Variants in TLE4 observed in about 807,000 individuals in gnomAD.
TLE4 encodes the protein TLE family member 4, transcriptional corepressor, also known as transducin-like enhancer protein 4.
A neutral mutation model predicts 92.8 loss-of-function variants in TLE4; 8 were observed. That is an observed-to-expected ratio of 0.09 (90% CI 0.05 to 0.16). The LOEUF (loss-of-function observed/expected upper bound fraction) is 0.16. TLE4 is among the 10% of genes least tolerant of loss of function. TLE4 has a pLI of 1.00. For missense variants in TLE4, 675 were observed against 997.6 expected (o/e 0.68, Z 4.36); for synonymous variants, 371 against 374.1 (o/e 0.99, Z 0.10).
chr9:79,622,408 C>T (rs2133369713), intron 5 of TLE4, among the ~76,000 whole-genome samples: 1 of 152,178 alleles, frequency 6.6e-6, no homozygotes, highest in East Asian at 1.9e-4. Flanking sequence ...CTTCCCTTTG[C>T]CTGGAATTCT....
At position 79,672,312 on chromosome 9, in the gene TLE4, T is replaced by C. The variant is rs1420360293; in HGVS notation, c.609+18237T>C. The stretch of plus-strand genomic sequence containing the variant: ...AGAGTGTGGTTTTCCCACAGGAGAA[T>C]CCAGAATAACCAACCAACATGGCCA... On this transcript the variant is annotated intron_variant, in intron 8 of 19. Transcript: ENST00000376552. Among the ~76,000 whole-genome samples the C allele has an allele frequency of 6.6e-5, 10 of 151,952 alleles. No homozygotes were observed. The East Asian group carries it at 1.9e-3, about 29-fold the overall frequency.
chr9:79,671,198 G>A (rs1005298423), intron 8 of TLE4: 7 of 454,064 alleles, frequency 1.5e-5, no homozygotes, highest in Non-Finnish European at 2.2e-5. Flanking sequence ...TGACTTTTAT[G>A]TATTTTACAG....
intron 4 of TLE4, among the ~76,000 whole-genome samples, chr9:79,577,827 C>T (rs1475975662): frequency 6.6e-6 from 1 of 152,152 alleles, no homozygotes; most frequent in Non-Finnish European, 1.5e-5. Context: ...TTCTAAGAGG[C>T]ACATAGCTTG....
At position 79,695,008 on chromosome 9, in the gene TLE4, A is replaced by G. The variant is rs183406128; in HGVS notation, c.610-9775A>G. Among the ~76,000 whole-genome samples the G allele has an allele frequency of 7.9e-5, 12 of 152,332 alleles. No homozygotes were observed. The East Asian group carries it at 2.3e-3, about 29-fold the overall frequency. ...GATTTGTTTCCCTGTGGTCACAGACAGCTGAGGAGTGTGTGATGAGAGACA... is the reference window on the plus strand; with the variant it reads ...GATTTGTTTCCCTGTGGTCACAGACGGCTGAGGAGTGTGTGATGAGAGACA... On this transcript the variant is annotated intron_variant, in intron 8 of 19. Coordinates refer to ENST00000376552, the MANE Select transcript of TLE4 (RefSeq NM_007005.6).
At chr9:79,711,073 AC>A (rs1386634447) in intron 14 of TLE4, among the ~76,000 whole-genome samples, 1 of 152,008 alleles carries the variant, frequency 6.6e-6, no homozygotes, top group African/African-American at 2.4e-5. Context: ...CCTAACCTAG[AC>A]CCTTTCTTTA....
At chr9:79,724,159 T>C (rs1444522358) in intron 19 of TLE4, among the ~76,000 whole-genome samples, 1 of 152,010 alleles carries the variant, frequency 6.6e-6, no homozygotes, top group African/African-American at 2.4e-5. Flanking sequence ...ACTAGGAATA[T>C]TTTTACATTC....
rs117255913 is a variant in TLE4 at position 79,641,561 on chromosome 9, A to G, written c.391-11032A>G. Among the ~76,000 whole-genome samples the G allele has an allele frequency of 1.4e-4, 22 of 152,248 alleles. No homozygotes were observed. The East Asian group carries it at 4.1e-3, about 28-fold the overall frequency. On this transcript the variant is annotated intron_variant, in intron 6 of 19. Coordinates refer to ENST00000376552, the MANE Select transcript of TLE4 (RefSeq NM_007005.6). Reference sequence around the variant, plus strand: ...TCCTTTTACTTCACTGGTCACAGCAAGCGTCTCTCTTGTTCTGGGTCCTCT... The same window carrying G: ...TCCTTTTACTTCACTGGTCACAGCAGGCGTCTCTCTTGTTCTGGGTCCTCT...
At chr9:79,633,353 C>T (rs1299861053) in intron 6 of TLE4, among the ~76,000 whole-genome samples, 1 of 152,162 alleles carries the variant, frequency 6.6e-6, no homozygotes, top group Non-Finnish European at 1.5e-5. Context: ...AATCCTCTCA[C>T]CTCCAAAACT....
At chr9:79,658,325 T>C (rs887661447) in intron 8 of TLE4, among the ~76,000 whole-genome samples, 3 of 152,216 alleles carry the variant, frequency 2.0e-5, no homozygotes, top group African/African-American at 7.2e-5. Flanking sequence ...AATTTACGTA[T>C]AATTATTTTT....
chr9:79,645,137 A>G (rs1292524600), intron 6 of TLE4, among the ~76,000 whole-genome samples: 4 of 152,174 alleles, frequency 2.6e-5, no homozygotes, highest in African/African-American at 7.2e-5. Context: ...GATCCCTTCA[A>G]TTTGGCTCAT....
At chr9:79,643,098 A>G (rs1377467528) in intron 6 of TLE4, among the ~76,000 whole-genome samples, 1 of 152,204 alleles carries the variant, frequency 6.6e-6, no homozygotes, top group Non-Finnish European at 1.5e-5. Flanking sequence ...AAGTAAGGTA[A>G]GAAGGGCACA....
intron 12 of TLE4, 93 bp from the exon 13 acceptor site, chr9:79,708,500 G>T: frequency 7.8e-7 from 1 of 1,281,050 alleles, no homozygotes. Context: ...AAGCTCATTT[G>T]AACCATAGAT....
At chr9:79,620,518 C>T (rs1418185583) in intron 5 of TLE4, among the ~76,000 whole-genome samples, 1 of 152,152 alleles carries the variant, frequency 6.6e-6, no homozygotes, top group African/African-American at 2.4e-5. Flanking sequence ...GAGCTTTAAT[C>T]CCATGTTCCA....
chr9:79,588,135 C>CATGTGTGTGTGTGTGTGTGT (rs140229560), intron 4 of TLE4, among the ~76,000 whole-genome samples: 3 of 146,716 alleles, frequency 2.0e-5, no homozygotes, highest in Non-Finnish European at 4.5e-5. Flanking sequence ...TTTATCCTTG[C>CATGTGTGTGTGTGTGTGTGT]GTGTGTGTGT....
intron 4 of TLE4, among the ~76,000 whole-genome samples, chr9:79,592,135 T>TTTCTTCTTTCTTCTTTC: frequency 6.7e-6 from 1 of 148,776 alleles, no homozygotes; most frequent in Non-Finnish European, 1.5e-5. Flanking sequence ...TTTCTTCTTC[T>TTTCTTCTTTCTTCTTTC]TTCTTCTTTC....
intron 4 of TLE4, among the ~76,000 whole-genome samples, chr9:79,592,171 C>G (rs868749945): frequency 8.8e-6 from 1 of 113,626 alleles, no homozygotes; most frequent in Non-Finnish European, 1.8e-5. Flanking sequence ...CTTCTTCTTC[C>G]TCTTCCTCTT....
At chr9:79,700,195 A>G (rs766955076) in intron 8 of TLE4, among the ~76,000 whole-genome samples, 2 of 152,214 alleles carry the variant, frequency 1.3e-5, no homozygotes, top group Non-Finnish European at 2.9e-5. Flanking sequence ...CCCAGACTAA[A>G]GAGAGGCTGA....
chr9:79,709,883 T>C (rs1443794316), intron 14 of TLE4, among the ~76,000 whole-genome samples, 184 bp downstream of exon 14: 3 of 152,242 alleles, frequency 2.0e-5, no homozygotes, highest in African/African-American at 7.2e-5. Flanking sequence ...GGGTTTTGCA[T>C]TGTAAAATTT....
intron 8 of TLE4, among the ~76,000 whole-genome samples, chr9:79,695,349 TCTCACA>T (rs1240052681): frequency 9.7e-5 from 4 of 41,060 alleles, no homozygotes; most frequent in African/African-American, 1.8e-4. Context: ...CAAATGCATA[TCTCACA>T]CACACACACA....
Sources: allele counts gnomAD v4.1 joint callset (sites outside exome capture counted in the v4.1 genomes callset), GRCh38; gene constraint gnomAD v4.1.1; transcripts MANE v1.5; gene names NCBI Gene and HGNC (gene_info 2026-07-23, HGNC 2026-07-21).